MAST2: variants seen among roughly 807,000 people sequenced by gnomAD.
The protein encoded by MAST2 is microtubule-associated serine/threonine-protein kinase 2.
MAST2 carries 70 observed loss-of-function variants against 147.4 expected under a neutral mutation model. The observed-to-expected ratio is 0.47, with a 90% CI of 0.39 to 0.58. The LOEUF (loss-of-function observed/expected upper bound fraction) is 0.58, where lower values mean the gene tolerates loss of function less well. MAST2 is among the 20% of genes least tolerant of loss of function. The probability of loss-of-function intolerance (pLI) is 0.00; values close to 1 mark genes in which losing one functional copy is unlikely to be tolerated. For synonymous variants in MAST2, 869 were observed against 896.8 expected, an observed-to-expected ratio of 0.97 and a Z score of 0.55; for missense variants, 2,080 against 2,302.3, an observed-to-expected ratio of 0.90 and a Z score of 1.98.
chr1:45,804,914 T>G (rs1446986114), intron 1 of MAST2, among the ~76,000 whole-genome samples: 3 of 152,242 alleles, frequency 2.0e-5, no homozygotes, highest in Non-Finnish European at 2.9e-5. Flanking sequence ...AAATGTTCTG[T>G]AGTAATGAAC....
At chr1:45,826,955 A>G (rs950095125) in intron 2 of MAST2, among the ~76,000 whole-genome samples, 5 of 151,910 alleles carry the variant, frequency 3.3e-5, no homozygotes, top group African/African-American at 1.2e-4. Context: ...CAGCCTCCCA[A>G]GTAGCTGGGA....
At chr1:45,921,095 A>G (rs1368370666) in intron 4 of MAST2, among the ~76,000 whole-genome samples, 1 of 152,180 alleles carries the variant, frequency 6.6e-6, no homozygotes, top group African/African-American at 2.4e-5. Context: ...TCCCGGGTTC[A>G]AGCAGTTCTC....
intron 4 of MAST2, among the ~76,000 whole-genome samples, chr1:45,892,402 T>C (rs1647963364): frequency 1.3e-5 from 2 of 152,196 alleles, no homozygotes; most frequent in Non-Finnish European, 2.9e-5. Flanking sequence ...TATTAGAAAA[T>C]GGACATTAAA....
At position 46,035,823 on chromosome 1, in the gene MAST2, T is replaced by A. The variant is rs78425310; in HGVS notation, c.5154T>A (p.Tyr1718Ter). ...CCCCCAGACTGGCCCATCCATCTTA[T>A]GAGGATCCCAGCCAGGGCTGGCTAT... The part of the protein sequence containing the change: ...PSAPRLAHPS[Y>*]EDPSQGWLWE... Residue 1718 changes from tyrosine to a stop codon, truncating the protein, a stop_gained, in exon 29 of 29, where the codon TAT becomes TAA. Transcript: ENST00000361297. LOFTEE classifies it low-confidence loss of function (END_TRUNC). This position sits in a 1 kb window ranked among gnomAD's most constrained non-coding sequence, Gnocchi z 5.5. The A allele has an allele frequency of 1.9e-6, 3 of 1,614,024 alleles. No homozygotes were observed. The highest frequency in any genetic ancestry group is 2.2e-5 in the South Asian group (2 of 91,072).
chr1:46,029,136 C>G (rs1557506498), intron 18 of MAST2: 2 of 587,396 alleles, frequency 3.4e-6, no homozygotes, highest in Admixed American at 3.3e-5. Flanking sequence ...CTTCACATGT[C>G]TCTCATAGAC....
chr1:45,947,597 A>G (rs986816200), intron 4 of MAST2, among the ~76,000 whole-genome samples: 2 of 152,258 alleles, frequency 1.3e-5, no homozygotes, highest in Non-Finnish European at 2.9e-5. Context: ...AGTGCTAGCC[A>G]GAGCAGTAGG....
At position 46,033,919 on chromosome 1, in the gene MAST2, G is replaced by A. The variant is rs769730101; in HGVS notation, c.3655G>A (p.Gly1219Ser). 16 of 1,614,064 alleles carry A rather than the reference G, an allele frequency of 9.9e-6. No individual in the cohort carries two copies. The highest frequency in any genetic ancestry group is 3.3e-5 in the South Asian group (3 of 91,088). The change falls in exon 27 of 29, where the codon GGC (glycine) becomes AGC (serine). Residue 1219 changes from glycine to serine, a missense_variant. Transcript: ENST00000361297. ...KMARRSKRSR[G>S]KDGQESRKRS... ...GGCCCGAAGGAGCAAGAGGAGCCGC[G>A]GCAAGGATGGGCAAGAAAGGTGAGC...
In MAST2 at chr1:46,035,234, G is replaced by A; in HGVS notation, c.4565G>A (p.Ser1522Asn). ...PENSQGAQEL[S>N]LAPHPEVSQS... ...AACAGCCAGGGTGCACAGGAGCTGA[G>A]CTTGGCACCTCACCCAGAAGTGAGC... is the stretch of plus-strand genomic sequence containing the variant. The change falls in exon 29 of 29, where the codon AGC (serine) becomes AAC (asparagine). Residue 1522 changes from serine (S) to asparagine (N), a missense_variant. Physicochemically the swap from Ser to Asn is conservative, Grantham distance 46. This residue lies in a region of MAST2 where 1,278 missense variants were observed against 1,304.2 expected (regional missense o/e 0.98). Coordinates refer to ENST00000361297, the MANE Select transcript of MAST2 (RefSeq NM_015112.3). The surrounding 1 kb of genome is among the most constrained non-coding windows in gnomAD (Gnocchi z 5.5). The A allele has an allele frequency of 6.2e-7, 1 of 1,614,058 alleles. No individual in the cohort carries two copies. The highest frequency in any genetic ancestry group is 8.5e-7 in the Non-Finnish European group (1 of 1,180,022).
chr1:45,943,050 T>A (rs554395256), intron 4 of MAST2, among the ~76,000 whole-genome samples: 1 of 152,226 alleles, frequency 6.6e-6, no homozygotes, highest in East Asian at 1.9e-4. Context: ...GAGAAGGAAA[T>A]TTGAGCTGAG....
chr1:46,002,315 G>A (rs1403884276), intron 6 of MAST2, among the ~76,000 whole-genome samples: 2 of 152,154 alleles, frequency 1.3e-5, no homozygotes, highest in African/African-American at 4.8e-5. Context: ...GCCTATAACT[G>A]TTTCCCATTG....
chr1:45,938,100 T>G (rs772264032), intron 4 of MAST2, among the ~76,000 whole-genome samples: 1 of 152,236 alleles, frequency 6.6e-6, no homozygotes, highest in Non-Finnish European at 1.5e-5. Context: ...TTGAACTTTA[T>G]ACATGTAGCA....
At chr1:45,948,343 T>C (rs1042986357) in intron 4 of MAST2, among the ~76,000 whole-genome samples, 2 of 152,176 alleles carry the variant, frequency 1.3e-5, no homozygotes, top group African/African-American at 4.8e-5. Context: ...AAGCAATTTA[T>C]AGATTGAATG....
intron 3 of MAST2, among the ~76,000 whole-genome samples, chr1:45,851,345 T>C (rs1290965687): frequency 4.6e-5 from 7 of 152,188 alleles, no homozygotes; most frequent in African/African-American, 1.4e-4. Flanking sequence ...TGGGAAGCCA[T>C]TTATCAGTTC....
At position 45,939,115 on chromosome 1, in the gene MAST2, GT is replaced by G. The variant is rs563736630; in HGVS notation, c.501-20261del. On this transcript the variant is annotated intron_variant, in intron 4 of 28. Transcript: ENST00000361297. Reference sequence around the variant, plus strand: ...AGAACTTACTTGCCTAACCCAAGCTGTTTTTTTTTTCCATTTTCTTCCAGAA... The same window carrying G: ...AGAACTTACTTGCCTAACCCAAGCTGTTTTTTTTTCCATTTTCTTCCAGAA... Among the ~76,000 whole-genome samples the G allele has an allele frequency of 6.1e-5, 9 of 146,558 alleles. No homozygotes were observed. The South Asian group carries it at 6.5e-4, about 11-fold the overall frequency.
chr1:45,996,504 C>T (rs1247220493), intron 5 of MAST2, among the ~76,000 whole-genome samples: 1 of 152,062 alleles, frequency 6.6e-6, no homozygotes, highest in Non-Finnish European at 1.5e-5. Context: ...GAGGTCATAA[C>T]AGATATCCCT....
chr1:45,978,158 A>C (rs995364893), intron 5 of MAST2, among the ~76,000 whole-genome samples: 1 of 152,248 alleles, frequency 6.6e-6, no homozygotes, highest in Non-Finnish European at 1.5e-5. Flanking sequence ...AGTTCACACA[A>C]AAGAGATCCA....
intron 4 of MAST2, among the ~76,000 whole-genome samples, chr1:45,957,313 G>A (rs1659792570): frequency 6.6e-6 from 1 of 152,120 alleles, no homozygotes; most frequent in African/African-American, 2.4e-5. Flanking sequence ...TCATCTGTTG[G>A]TGCATATTTT....
intron 4 of MAST2, among the ~76,000 whole-genome samples, chr1:45,941,292 C>T (rs1252047447): frequency 6.6e-6 from 1 of 152,142 alleles, no homozygotes; most frequent in Non-Finnish European, 1.5e-5. Flanking sequence ...CAGAGTCTTG[C>T]TCTGTCACCC....
intron 5 of MAST2, among the ~76,000 whole-genome samples, chr1:45,965,998 T>G (rs1223091442): frequency 1.3e-5 from 2 of 152,206 alleles, no homozygotes; most frequent in Non-Finnish European, 2.9e-5. Flanking sequence ...TTCACTGTCC[T>G]AAAAATTATC....
Sources: gnomAD v4.1 joint callset for allele counts (sites outside exome capture counted in the v4.1 genomes callset) on GRCh38, gnomAD v4.1.1 for gene constraint, gnomAD v4.1.1 regional missense constraint, Gnocchi (gnomAD v3.1) non-coding constraint, MANE v1.5 for transcripts, NCBI Gene and HGNC (gene_info 2026-07-23, HGNC 2026-07-21) for gene names.